The following DAPK3 variants were observed in gnomAD, a reference collection of about 807,000 sequenced individuals.
DAPK3 encodes the protein death-associated protein kinase 3.
A neutral mutation model predicts 30.6 loss-of-function variants in DAPK3; 24 were observed. The observed-to-expected ratio is 0.78, with a 90% confidence interval of 0.57 to 1.10. DAPK3 has a LOEUF of 1.10. Among genes scored for constraint, DAPK3 ranks in the 50% least tolerant of loss-of-function variants. The pLI is 0.00. For missense variants in DAPK3, 629 were observed against 657.3 expected (o/e 0.96, Z 0.47); for synonymous variants, 341 against 284.0 (o/e 1.20, Z -2.02).
At chr19:3,963,950 T>A in intron 4 of DAPK3, 31 bp from the exon 5 acceptor site, 1 of 1,473,676 alleles carries the variant, frequency 6.8e-7, no homozygotes, top group Non-Finnish European at 9.5e-7. Context: ...GGTCAGGCAC[T>A]GGGGACATGC....
Position 3,960,047 on chromosome 19 carries a change from C to T in DAPK3, c.828+12G>A, listed in dbSNP as rs199933812. The T allele has an allele frequency of 9.3e-5, 138 of 1,476,600 alleles. No individual in the cohort carries two copies. The East Asian group carries it at 3.1e-3, about 33-fold the overall frequency. 91.5% of individuals were successfully genotyped at this position (1,476,600 alleles called of 1,614,324 possible). The stretch of plus-strand genomic sequence containing the variant: ...CGGGAAGCCCAGGGAGCTCCCCCAC[C>T]TCCCCACTTACCTTAATCCAGGAAT... On this transcript the variant is annotated intron_variant, in intron 8 of 8. Coordinates refer to ENST00000545797, the MANE Select transcript of DAPK3 (RefSeq NM_001348.3).
chr19:3,959,322 G>A lies in DAPK3; in HGVS notation c.1144C>T (p.Arg382Trp), dbSNP rs201287470. 3.3e-4 allele frequency: 531 copies of A among 1,592,764 alleles called. 4 individuals are homozygous for A. Among genetic ancestry groups the A allele is most frequent in the Admixed American group, 6.3e-4 (37 of 59,158 alleles). The change falls in exon 9 of 9, where the codon CGG becomes TGG. Residue 382 changes from arginine to tryptophan, a missense_variant. Arg to Trp is a moderately radical substitution (Grantham distance 101, BLOSUM62 -3). Transcript: ENST00000545797. ...GCCTCGGTCTTGAGCAGCTCCTGCC[G>A]TAGCCTCCGCAGGTCCTGGCCCAGG... ...DSLGQDLRRL[R>W]QELLKTEALK...
Position 3,969,773 on chromosome 19 carries a change from GA to G in DAPK3, c.-39del. ...GCCTTCCAGCAGCTTCCACTCCAGG[GA>G]AAGTGCAGTCACCGCAGCCTGGAGA... On this transcript the variant is annotated 5_prime_UTR_variant, in exon 2 of 9. Transcript: ENST00000545797. 6.5e-7 allele frequency: 1 copy of G among 1,526,848 alleles called. No homozygotes were observed. The highest frequency in any genetic ancestry group is 9.1e-7 in the Non-Finnish European group (1 of 1,103,924). 94.6% of individuals were successfully genotyped at this position (1,526,848 alleles called of 1,614,324 possible).
Position 3,969,841 on chromosome 19 carries a change from A to G in DAPK3, c.-94-12T>C. On this transcript the variant is annotated splice_polypyrimidine_tract_variant and intron_variant, in intron 1 of 8. Coordinates refer to ENST00000545797, the MANE Select transcript of DAPK3 (RefSeq NM_001348.3). ...CCCTAATGGCAACCCTGGAGAAGAC[A>G]GGGAAAGACAGAAGTGAGGAACTGA... The G allele has an allele frequency of 1.3e-6, 1 of 750,052 alleles. No individual in the cohort carries two copies. Among genetic ancestry groups the G allele is most frequent in the Non-Finnish European group, 2.3e-6 (1 of 427,132 alleles). 46.5% of individuals were successfully genotyped at this position (750,052 alleles called of 1,614,324 possible). A position where few individuals can be genotyped will look rare whatever the true frequency, so the allele number is the denominator to read the frequency against.
chr19:3,961,413 C>A, intron 6 of DAPK3: 1 of 637,500 alleles, frequency 1.6e-6, no homozygotes, highest in East Asian at 3.5e-5. Flanking sequence ...CTTGGAGACT[C>A]GAAGTATCTG....
chr19:3,969,600 G>A (rs2039614121), intron 2 of DAPK3, 74 bp downstream of exon 2: 4 of 929,166 alleles, frequency 4.3e-6, no homozygotes, highest in Non-Finnish European at 5.3e-6. Flanking sequence ...CAGGAAAGGA[G>A]AGCTGCTGTT....
chr19:3,967,583 C>T (rs1387907545), intron 2 of DAPK3, among the ~76,000 whole-genome samples: 3 of 152,106 alleles, frequency 2.0e-5, no homozygotes, highest in African/African-American at 4.8e-5. Flanking sequence ...GGCAAAACCC[C>T]GTCTCTACTA....
At position 3,959,534 on chromosome 19, in the gene DAPK3, G is replaced by A. The variant is rs1421541590; in HGVS notation, c.932C>T (p.Ser311Phe). ...RLKEYTIKSH[S>F]SLPPNNSYAD... ...GTAGCTGTTGTTGGGCGGCAAGCTG[G>A]AGTGCGACTTGATGGTGTACTCCTT... is the stretch of plus-strand genomic sequence containing the variant. The change falls in exon 9 of 9, where the codon TCC becomes TTC. Residue 311 changes from serine to phenylalanine, a missense_variant. Physicochemically the swap from Ser to Phe is radical, Grantham distance 155. This residue lies in a region of DAPK3 where 323 missense variants were observed against 278.8 expected (regional missense o/e 1.16). Coordinates refer to ENST00000545797, the MANE Select transcript of DAPK3 (RefSeq NM_001348.3). 5 of 1,575,716 alleles carry A rather than the reference G, an allele frequency of 3.2e-6. No individual in the cohort carries two copies. The highest frequency in any genetic ancestry group is 4.3e-6 in the Non-Finnish European group (5 of 1,169,396).
At chr19:3,964,568 T>G in intron 3 of DAPK3, 63 bp downstream of exon 3, 3 of 1,321,022 alleles carry the variant, frequency 2.3e-6, no homozygotes, top group Non-Finnish European at 2.1e-6. Context: ...TCCAGGCTCT[T>G]CCCCGCCCCA....
intron 2 of DAPK3, 152 bp from the exon 3 acceptor site, chr19:3,965,143 C>G: frequency 3.3e-6 from 2 of 605,078 alleles, no homozygotes; most frequent in Non-Finnish European, 5.9e-6. Context: ...GGGGTGCAGA[C>G]TCTGCGCCTT....
intron 3 of DAPK3, 63 bp downstream of exon 3, chr19:3,964,568 T>TA: frequency 5.9e-4 from 773 of 1,320,714 alleles, no homozygotes; most frequent in Non-Finnish European, 7.4e-4. Flanking sequence ...TCCAGGCTCT[T>TA]CCCCGCCCCA....
At position 3,964,781 on chromosome 19, in the gene DAPK3, G is replaced by A. The variant is rs773867322; in HGVS notation, c.273C>T (p.Leu91=). The change falls in exon 3 of 9, where the codon CTC becomes CTT. Residue 91 remains leucine (L), a synonymous_variant. Transcript: ENST00000545797. ...DIFENKTDVV[L]ILELVSGGEL... Reference sequence around the variant, plus strand: ...CCCCGCCAGAGACCAGCTCCAGGATGAGGACCACGTCCGTCTTGTTCTCGA... The same window carrying A: ...CCCCGCCAGAGACCAGCTCCAGGATAAGGACCACGTCCGTCTTGTTCTCGA... 6.2e-7 allele frequency: 1 copy of A among 1,611,856 alleles called. No homozygotes were observed.
intron 6 of DAPK3, among the ~76,000 whole-genome samples, chr19:3,962,547 G>A (rs772410219): frequency 7.2e-5 from 11 of 151,786 alleles, no homozygotes; most frequent in South Asian, 4.1e-4. Context: ...AGGCCAAGGC[G>A]GCCGGATCAC....
chr19:3,967,896 G>A (rs954523831), intron 2 of DAPK3, among the ~76,000 whole-genome samples: 2 of 152,262 alleles, frequency 1.3e-5, no homozygotes, highest in African/African-American at 2.4e-5. Context: ...CCCGTGAGGT[G>A]TGGCCAGTCC....
In DAPK3 at chr19:3,959,448, G is replaced by A. The variant is rs1217983026; in HGVS notation, c.1018C>T (p.Arg340Cys). Residue 340 changes from arginine (R) to cysteine (C), a missense_variant, in exon 9 of 9, where the codon CGC becomes TGC. This residue lies in a region of DAPK3 where 323 missense variants were observed against 278.8 expected (regional missense o/e 1.16). Transcript: ENST00000545797. ...AGCCGCCGGCTGCGCTGCAGCTCGC[G>A]CAGGCCCTCCTCGGCGGCCGCCGCC... ...EEAAAAEEGL[R>C]ELQRSRRLCH... 2.6e-6 allele frequency: 4 copies of A among 1,548,572 alleles called. No individual in the cohort carries two copies. In the South Asian group the frequency reaches 3.5e-5, roughly 14 times the overall value.
Position 3,961,854 on chromosome 19 carries a change from C to CTTT in DAPK3, c.630-696_630-694dup, listed in dbSNP as rs553716198. 5.7e-3 allele frequency: 1,224 copies of CTTT among 213,826 alleles called. 19 individuals are homozygous for CTTT. The highest frequency in any genetic ancestry group is 0.026 in the African/African-American group (1,163 of 44,428). 13.2% of individuals were successfully genotyped at this position (213,826 alleles called of 1,614,324 possible). ...CGGGGGTGTCTAACCACCTCTGGCA[C>CTTT]TTTAAATTTTTTAAATTTTTTAGAG... On this transcript the variant is annotated intron_variant, in intron 6 of 8. Coordinates refer to ENST00000545797, the MANE Select transcript of DAPK3 (RefSeq NM_001348.3).
chr19:3,969,576 T>G, intron 2 of DAPK3, 98 bp downstream of exon 2: 1 of 810,826 alleles, frequency 1.2e-6, no homozygotes, highest in Non-Finnish European at 2.1e-6. Context: ...CTTCTCAGCA[T>G]ACAGGATAAA....
Position 3,971,089 on chromosome 19 carries a change from G to A in DAPK3, c.-263C>T, listed in dbSNP as rs1568195417. ...CACCGCCGCCGCCTCCAGAAGCCCC[G>A]CGCCCCTGCCGCCGCGACGCGCCTG... On this transcript the variant is annotated 5_prime_UTR_variant, in exon 1 of 9. Coordinates refer to ENST00000545797, the MANE Select transcript of DAPK3 (RefSeq NM_001348.3). 1 of 153,492 alleles carries A rather than the reference G, an allele frequency of 6.5e-6. No homozygotes were observed. The highest frequency in any genetic ancestry group is 1.5e-5 in the Non-Finnish European group (1 of 68,964). 9.5% of individuals were successfully genotyped at this position (153,492 alleles called of 1,614,324 possible). A position where few individuals can be genotyped will look rare whatever the true frequency, so the allele number is the denominator to read the frequency against.
In DAPK3 at chr19:3,964,308, G is replaced by A; in HGVS notation, c.489C>T (p.Gly163=). 6.2e-7 allele frequency: 1 copy of A among 1,613,286 alleles called. No individual in the cohort carries two copies. The highest frequency in any genetic ancestry group is 1.3e-5 in the African/African-American group (1 of 75,020). The part of the protein sequence containing the change: ...PNPRIKLIDF[G]IAHKIEAGNE... Reference sequence around the variant, plus strand: ...TCCCCGCCTCGATCTTGTGCGCGATGCCGAAGTCGATGAGCTTGATTCGTG... The same window carrying A: ...TCCCCGCCTCGATCTTGTGCGCGATACCGAAGTCGATGAGCTTGATTCGTG... The change falls in exon 4 of 9, where the codon GGC becomes GGT. Residue 163 remains glycine, a synonymous_variant. Transcript: ENST00000545797.
Sources: gnomAD v4.1 joint callset for allele counts (sites outside exome capture counted in the v4.1 genomes callset) on GRCh38, gnomAD v4.1.1 for gene constraint, gnomAD v4.1.1 regional missense constraint, MANE v1.5 for transcripts, NCBI Gene and HGNC (gene_info 2026-07-23, HGNC 2026-07-21) for gene names.